The following MEI1 variants were observed in gnomAD, a reference collection of about 807,000 sequenced individuals.
The protein encoded by MEI1 is meiosis inhibitor protein 1.
Under a neutral mutation model 146.2 loss-of-function variants are expected in MEI1, and 103 were observed. The observed-to-expected ratio is 0.70, with a 90% CI of 0.60 to 0.83. The LOEUF is 0.83. Among genes scored for constraint, MEI1 ranks in the 40% least tolerant of loss-of-function variants. The pLI, the probability that MEI1 is intolerant of heterozygous loss-of-function variation, is 0.00. For missense variants in MEI1, 1,529 were observed against 1,533.0 expected, an observed-to-expected ratio of 1.00 and a Z score of 0.04; for synonymous variants, 652 against 628.2, an observed-to-expected ratio of 1.04 and a Z score of -0.57.
At position 41,758,349 on chromosome 22, in the gene MEI1, C is replaced by G. The variant is rs756191669; in HGVS notation, c.1952-16C>G. Reference sequence around the variant, plus strand: ...ATGTTCTCTGTGTGGCTTTCCTCTACTTATTCCCTCCCTAGAACTCTCTGC... The same window carrying G: ...ATGTTCTCTGTGTGGCTTTCCTCTAGTTATTCCCTCCCTAGAACTCTCTGC... On this transcript the variant is annotated splice_polypyrimidine_tract_variant and intron_variant, in intron 17 of 30. Transcript: ENST00000401548. 6.9e-6 allele frequency: 11 copies of G among 1,605,658 alleles called. No individual in the cohort carries two copies. In the Admixed American group the frequency reaches 1.2e-4, roughly 17 times the overall value.
rs1195773481 is a variant in MEI1, at chr22:41,700,775, T to C, written c.174+1063T>C. On this transcript the variant is annotated intron_variant, in intron 1 of 30. Coordinates refer to ENST00000401548, the MANE Select transcript of MEI1 (RefSeq NM_152513.4). ...TTTTTTTTTTTTTTTTTTTTTTTTT[T>C]GTAGAAACGGTCCCGGGGGTCTCCC... is the stretch of plus-strand genomic sequence containing the variant. Among the ~76,000 whole-genome samples, 751 of 95,716 alleles carry C rather than the reference T, an allele frequency of 7.8e-3. 22 individuals are homozygous for C. Among genetic ancestry groups the C allele is most frequent in the Admixed American group, 0.071 (681 of 9,630 alleles). 62.8% of individuals were successfully genotyped at this position (95,716 alleles called of 152,430 possible).
At chr22:41,730,493 A>G in intron 8 of MEI1, 28 bp from the exon 9 acceptor site, 1 of 1,497,556 alleles carries the variant, frequency 6.7e-7, no homozygotes, top group Non-Finnish European at 9.3e-7. Context: ...GCTGTCATTT[A>G]TTGTTTTCTC....
At chr22:41,794,177 G>A (rs537239756) in intron 27 of MEI1, among the ~76,000 whole-genome samples, 194 bp from the exon 28 acceptor site, 24 of 152,302 alleles carry the variant, frequency 1.6e-4, no homozygotes, top group Admixed American at 7.8e-4. Flanking sequence ...CAATCATGGC[G>A]TATATAGTTT....
chr22:41,755,120 A>G (rs927347524), intron 17 of MEI1, among the ~76,000 whole-genome samples: 1 of 152,172 alleles, frequency 6.6e-6, no homozygotes, highest in Non-Finnish European at 1.5e-5. Context: ...AGGCCTAGGT[A>G]CTGCTGTGGA....
chr22:41,758,561 G>T (rs1255583435), intron 18 of MEI1, 28 bp downstream of exon 18: 16 of 1,594,460 alleles, frequency 1.0e-5, no homozygotes, highest in Non-Finnish European at 1.3e-5. Context: ...GGTGGCTGGT[G>T]GTGGGTCTTG....
intron 24 of MEI1, among the ~76,000 whole-genome samples, chr22:41,782,326 C>T (rs910577460): frequency 2.6e-5 from 4 of 152,098 alleles, no homozygotes; most frequent in African/African-American, 7.2e-5. Context: ...AAAGACCAGA[C>T]GGGGAGGCAG....
At chr22:41,736,146 T>C (rs749658153) in intron 11 of MEI1, among the ~76,000 whole-genome samples, 5 of 152,210 alleles carry the variant, frequency 3.3e-5, no homozygotes, top group African/African-American at 7.2e-5. Flanking sequence ...TAAGGTCATA[T>C]CACTGTAATC....
intron 30 of MEI1, among the ~76,000 whole-genome samples, chr22:41,797,169 T>G (rs932688553): frequency 5.3e-5 from 8 of 151,978 alleles, no homozygotes; most frequent in African/African-American, 1.7e-4. Flanking sequence ...GGCTAATTTT[T>G]GTAGATACAG....
At position 41,743,099 on chromosome 22, in the gene MEI1, C is replaced by G. The variant is rs1354407307; in HGVS notation, c.1351C>G (p.Pro451Ala). 3.1e-6 allele frequency: 5 copies of G among 1,612,494 alleles called. No homozygotes were observed. The highest frequency in any genetic ancestry group is 4.2e-6 in the Non-Finnish European group (5 of 1,179,350). The change falls in exon 12 of 31, where the codon CCA (proline) becomes GCA (alanine). Residue 451 changes from proline (P) to alanine (A), a missense_variant. Transcript: ENST00000401548. ...ATGCAGGAAGGACCATCAGAGCACT[C>G]CACCTGTGCAGTATGGGGAACTGCA... is the stretch of plus-strand genomic sequence containing the variant. ...AFLRKDHQST[P>A]PVQYGELQAL...
chr22:41,779,448 C>T (rs781611349), intron 22 of MEI1, among the ~76,000 whole-genome samples: 17 of 152,178 alleles, frequency 1.1e-4, no homozygotes, highest in African/African-American at 3.4e-4. Context: ...AGTGAGACCT[C>T]GTCCCTAAAA....
At chr22:41,784,523 C>T in intron 25 of MEI1, 85 bp from the exon 26 acceptor site, 1 of 1,594,030 alleles carries the variant, frequency 6.3e-7, no homozygotes, top group South Asian at 1.1e-5. Context: ...ATTGTCTCAT[C>T]TTCATTGTCT....
intron 19 of MEI1, 36 bp downstream of exon 19, chr22:41,763,357 G>A (rs746915989): frequency 1.2e-6 from 2 of 1,607,560 alleles, no homozygotes; most frequent in East Asian, 2.2e-5. Context: ...TTGTCCTTCT[G>A]TACCTCTTTA....
intron 13 of MEI1, 126 bp from the exon 14 acceptor site, chr22:41,745,751 TTCTCCCAG>T: frequency 1.2e-6 from 1 of 838,134 alleles, no homozygotes. Context: ...CTATTGAATT[TTCTCCCAG>T]TCTGATAATA....
chr22:41,779,679 GAC>G (rs2075656504), intron 22 of MEI1, among the ~76,000 whole-genome samples: 1 of 152,180 alleles, frequency 6.6e-6, no homozygotes, highest in Non-Finnish European at 1.5e-5. Context: ...CACAGTGCTT[GAC>G]ACACAGTAGA....
chr22:41,782,473 C>T (rs1158278426), intron 24 of MEI1, among the ~76,000 whole-genome samples: 2 of 152,176 alleles, frequency 1.3e-5, no homozygotes, highest in African/African-American at 2.4e-5. Context: ...ACCTCCTTCC[C>T]CTCAGCCCCT....
chr22:41,735,156 G>T (rs1032180215), intron 11 of MEI1, among the ~76,000 whole-genome samples: 80 of 149,736 alleles, frequency 5.3e-4, no homozygotes, highest in African/African-American at 1.9e-3. Context: ...TAGAGACGGG[G>T]TTTCACTGTG....
chr22:41,700,208 G>A (rs1293527804), intron 1 of MEI1, among the ~76,000 whole-genome samples: 1 of 152,222 alleles, frequency 6.6e-6, no homozygotes, highest in Admixed American at 6.5e-5. Context: ...TCTGGGCTCC[G>A]AGGGGACAGG....
At chr22:41,793,029 A>ATTTTTT (rs1602189420) in intron 26 of MEI1, among the ~76,000 whole-genome samples, 1 of 62,736 alleles carries the variant, frequency 1.6e-5, no homozygotes, top group Admixed American at 2.0e-4. Context: ...GAAACAAAGC[A>ATTTTTT]TTCTTTTTTT....
intron 24 of MEI1, among the ~76,000 whole-genome samples, chr22:41,783,508 T>G (rs1367847716): frequency 1.3e-5 from 2 of 152,174 alleles, no homozygotes; most frequent in African/African-American, 4.8e-5. Context: ...GTCAGGCTGG[T>G]CTTGAACTCC....
Sources: gnomAD v4.1 joint callset for allele counts (sites outside exome capture counted in the v4.1 genomes callset) on GRCh38, gnomAD v4.1.1 for gene constraint, MANE v1.5 for transcripts, NCBI Gene and HGNC (gene_info 2026-07-23, HGNC 2026-07-21) for gene names.